Variants in KANK1 observed in about 807,000 individuals in gnomAD.
KANK1 encodes the protein KN motif and ankyrin repeat domain-containing protein 1.
Under a neutral mutation model 106.2 loss-of-function variants are expected in KANK1, and 109 were observed. That is an observed-to-expected ratio of 1.03 (90% CI 0.88 to 1.20). KANK1 has a LOEUF of 1.20. KANK1 is among the 50% of genes most tolerant of loss of function. The pLI, the probability that KANK1 is intolerant of heterozygous loss-of-function variation, is 0.00. For missense variants in KANK1, 2,399 were observed against 1,710.7 expected, an observed-to-expected ratio of 1.40 and a Z score of -7.10; for synonymous variants, 873 against 652.2, an observed-to-expected ratio of 1.34 and a Z score of -5.16.
intron 1 of KANK1, among the ~76,000 whole-genome samples, chr9:568,056 A>C (rs907621710): frequency 2.0e-5 from 3 of 152,182 alleles, no homozygotes; most frequent in Non-Finnish European, 4.4e-5. Context: ...ACAGAGAAGA[A>C]AACAAAGCTC....
intron 3 of KANK1, among the ~76,000 whole-genome samples, chr9:723,105 T>C (rs772963107): frequency 5.9e-5 from 9 of 151,940 alleles, no homozygotes; most frequent in Non-Finnish European, 1.2e-4. Context: ...ATCTAATTAC[T>C]CCCTACTCAC....
At chr9:593,114 G>A (rs780360210) in intron 1 of KANK1, among the ~76,000 whole-genome samples, 1 of 151,746 alleles carries the variant, frequency 6.6e-6, no homozygotes, top group Non-Finnish European at 1.5e-5. Flanking sequence ...TAAACTGTTG[G>A]AACCTGGAAA....
chr9:712,544 T>G lies in KANK1; in HGVS notation c.1778T>G (p.Val593Gly), dbSNP rs776576100. 5.0e-6 allele frequency: 8 copies of G among 1,614,004 alleles called. No homozygotes were observed. The highest frequency in any genetic ancestry group is 6.8e-6 in the Non-Finnish European group (8 of 1,180,034). Residue 593 changes from valine to glycine, a missense_variant, in exon 3 of 12, where the codon GTG becomes GGG. Coordinates refer to ENST00000382297, the MANE Select transcript of KANK1 (RefSeq NM_015158.5). ...TCTGTGGAAATGTGTGACAAGAGTG[T>G]GAGTGTGGAAGTCAGCGTCTGCGAA... ...GRSVEMCDKSVSVEVSVCETG... is the reference protein window; with the variant it reads ...GRSVEMCDKSGSVEVSVCETG...
At chr9:735,495 T>C (rs1473884440) in intron 7 of KANK1, among the ~76,000 whole-genome samples, 1 of 152,212 alleles carries the variant, frequency 6.6e-6, no homozygotes, top group East Asian at 1.9e-4. Context: ...GTCGAAGTTA[T>C]GTGCACATTC....
chr9:713,561 G>T (rs1427277878), intron 3 of KANK1, 97 bp downstream of exon 3: 5 of 1,349,384 alleles, frequency 3.7e-6, no homozygotes, highest in Non-Finnish European at 4.0e-6. Flanking sequence ...AACCATTTTT[G>T]GAGGAGAAAT....
intron 1 of KANK1, among the ~76,000 whole-genome samples, chr9:564,219 C>T (rs760081489): frequency 1.6e-4 from 24 of 151,972 alleles, no homozygotes; most frequent in Non-Finnish European, 3.1e-4. Flanking sequence ...GCCACCACGC[C>T]CGGCTAATTT....
intron 1 of KANK1, among the ~76,000 whole-genome samples, chr9:612,578 A>G (rs1429827895): frequency 2.0e-5 from 3 of 151,660 alleles, no homozygotes; most frequent in Non-Finnish European, 3.0e-5. Context: ...CATATTAAAA[A>G]AAGTTATCAT....
chr9:495,412 G>A lies in KANK1; in HGVS notation c.-362+22139G>A, dbSNP rs960394803. 6 of 152,264 alleles carry A rather than the reference G, an allele frequency of 3.9e-5. No homozygotes were observed. In the East Asian group the frequency reaches 1.2e-3, roughly 29 times the overall value. 9.4% of individuals were successfully genotyped at this position (152,264 alleles called of 1,614,324 possible). On this transcript the variant is annotated intron_variant, in intron 3 of 15. Coordinates refer to the KANK1 transcript ENST00000382303. The stretch of plus-strand genomic sequence containing the variant: ...TACGTAACCAGATCCTATGAGCAGA[G>A]AGCCATCGTGCCTCCAACTTAGTTT...
chr9:573,604 G>A (rs1157498998), intron 1 of KANK1, among the ~76,000 whole-genome samples: 2 of 152,038 alleles, frequency 1.3e-5, no homozygotes, highest in African/African-American at 4.8e-5. Flanking sequence ...AGTAATATAA[G>A]TCGGTATCAG....
intron 1 of KANK1, among the ~76,000 whole-genome samples, chr9:582,952 C>T (rs187465490): frequency 6.6e-6 from 1 of 152,300 alleles, no homozygotes; most frequent in East Asian, 1.9e-4. Context: ...CTTGTAGTGA[C>T]TGATAATGTA....
rs1383453012 is a variant in KANK1, at chr9:712,464, G to A, written c.1698G>A (p.Met566Ile). 6.2e-7 allele frequency: 1 copy of A among 1,614,160 alleles called. No individual in the cohort carries two copies. Among genetic ancestry groups the A allele is most frequent in the Non-Finnish European group, 8.5e-7 (1 of 1,180,032 alleles). ...AAGTCGTAGGGCCTGAGCTGCCTAT[G>A]AATTGGTGGATTGTTAAGGAGAGGG... ...KNKVVGPELP[M>I]NWWIVKERVE... The change falls in exon 3 of 12, where the codon ATG becomes ATA. Residue 566 changes from methionine to isoleucine, a missense_variant. Physicochemically the swap from Met to Ile is conservative, Grantham distance 10. Coordinates refer to ENST00000382297, the MANE Select transcript of KANK1 (RefSeq NM_015158.5).
chr9:512,249 G>GTGTGTGTGTGTGTGTATA lies in KANK1; in HGVS notation c.-84+7496_-84+7497insGTGTGTGTGTGTGTATAT, dbSNP rs370159663. The stretch of plus-strand genomic sequence containing the variant: ...ACCAATAGTGTGTGTGTGTGTGTGT[G>GTGTGTGTGTGTGTGTATA]TATGTATATACACACACACAAGATT... On this transcript the variant is annotated intron_variant, in intron 1 of 11. Coordinates refer to ENST00000382297, the MANE Select transcript of KANK1 (RefSeq NM_015158.5). Among the ~76,000 whole-genome samples, 701 of 149,610 alleles carry GTGTGTGTGTGTGTGTATA rather than the reference G, an allele frequency of 4.7e-3. 6 individuals are homozygous for GTGTGTGTGTGTGTGTATA. Among genetic ancestry groups the GTGTGTGTGTGTGTGTATA allele is most frequent in the African/African-American group, 0.016 (652 of 40,080 alleles).
chr9:638,039 C>T (rs1837551311), intron 1 of KANK1, among the ~76,000 whole-genome samples: 1 of 152,178 alleles, frequency 6.6e-6, no homozygotes, highest in African/African-American at 2.4e-5. Context: ...GCATCACATC[C>T]AGGTTACATA....
At chr9:582,397 C>T (rs1339803277) in intron 1 of KANK1, among the ~76,000 whole-genome samples, 1 of 152,154 alleles carries the variant, frequency 6.6e-6, no homozygotes, top group Non-Finnish European at 1.5e-5. Context: ...CTTCAGTGAA[C>T]TAATAAAAGT....
chr9:589,049 A>T (rs993313847), intron 1 of KANK1, among the ~76,000 whole-genome samples: 2 of 152,392 alleles, frequency 1.3e-5, no homozygotes, highest in South Asian at 4.1e-4. Flanking sequence ...CAACCTGAAG[A>T]TCACAAATTA....
At chr9:525,763 T>C (rs752889519) in intron 1 of KANK1, among the ~76,000 whole-genome samples, 3 of 151,610 alleles carry the variant, frequency 2.0e-5, no homozygotes. Context: ...CCCTGTGATA[T>C]AGGAGAATAA....
chr9:710,588 C>T (rs976064880), intron 2 of KANK1, among the ~76,000 whole-genome samples: 2 of 139,228 alleles, frequency 1.4e-5, no homozygotes, highest in African/African-American at 2.7e-5. Context: ...ATTGCAGCTC[C>T]AGCCTGGGTG....
chr9:517,149 A>G (rs7849855), intron 1 of KANK1, among the ~76,000 whole-genome samples: 35,149 of 151,572 alleles, frequency 0.23, 6,193 homozygotes, highest in African/African-American at 0.47. Context: ...TCGCTCTGTC[A>G]CCCAGGCTGG....
At chr9:620,438 A>G (rs75767545) in intron 1 of KANK1, among the ~76,000 whole-genome samples, 2,885 of 151,928 alleles carry the variant, frequency 0.019, 36 homozygotes, top group South Asian at 0.039. Context: ...TCGCACTGTC[A>G]CCCGGGCTGG....
Sources: gnomAD v4.1 joint callset for allele counts (sites outside exome capture counted in the v4.1 genomes callset) on GRCh38, gnomAD v4.1.1 for gene constraint, MANE v1.5 for transcripts, NCBI Gene and HGNC (gene_info 2026-07-23, HGNC 2026-07-21) for gene names.